TXK: variants seen among roughly 807,000 people sequenced by gnomAD.
The protein encoded by TXK is TXK tyrosine kinase, also known as tyrosine-protein kinase TXK.
A neutral mutation model predicts 81.0 loss-of-function variants in TXK; 60 were observed. The ratio of observed to expected loss-of-function variants is 0.74; its 90% confidence interval spans 0.60 to 0.92. The LOEUF (loss-of-function observed/expected upper bound fraction) is 0.92, where lower values mean the gene tolerates loss of function less well. TXK is among the 40% of genes least tolerant of loss of function. The pLI is 0.00. For synonymous variants in TXK, 203 were observed against 210.7 expected, an observed-to-expected ratio of 0.96 and a Z score of 0.32; for missense variants, 581 against 638.3, an observed-to-expected ratio of 0.91 and a Z score of 0.97.
intron 1 of TXK, among the ~76,000 whole-genome samples, chr4:48,115,495 C>T (rs1161931865): frequency 6.6e-6 from 1 of 152,044 alleles, no homozygotes; most frequent in Non-Finnish European, 1.5e-5. Flanking sequence ...CTAGGTTATG[C>T]CTAGACTTTC....
chr4:48,112,816 T>C (rs1718678688), intron 3 of TXK, among the ~76,000 whole-genome samples: 1 of 152,038 alleles, frequency 6.6e-6, no homozygotes, highest in Non-Finnish European at 1.5e-5. Context: ...TACCTTGTTT[T>C]AAGGATTTTT....
At chr4:48,082,731 A>T (rs974595065) in intron 10 of TXK, among the ~76,000 whole-genome samples, 1 of 152,178 alleles carries the variant, frequency 6.6e-6, no homozygotes, top group Non-Finnish European at 1.5e-5. Flanking sequence ...GTACCCATAC[A>T]AATCGCAAAC....
intron 12 of TXK, among the ~76,000 whole-genome samples, chr4:48,075,938 A>G (rs749867626): frequency 2.0e-5 from 3 of 152,198 alleles, no homozygotes; most frequent in Admixed American, 1.3e-4. Context: ...AATTTAAACT[A>G]TATTGAGTTG....
intron 1 of TXK, among the ~76,000 whole-genome samples, chr4:48,133,404 T>C (rs1719295926): frequency 6.6e-6 from 1 of 152,138 alleles, no homozygotes; most frequent in African/African-American, 2.4e-5. Context: ...TCTTCATATG[T>C]AGTATTATAT....
At chr4:48,106,308 A>G (rs1299336109) in intron 5 of TXK, 1 of 152,218 alleles carries the variant, frequency 6.6e-6, no homozygotes, top group Admixed American at 6.5e-5. Context: ...AAAGAGATTG[A>G]ACGAATGGAA....
chr4:48,102,328 A>G (rs1718227556), intron 6 of TXK, among the ~76,000 whole-genome samples: 1 of 152,248 alleles, frequency 6.6e-6, no homozygotes, highest in Non-Finnish European at 1.5e-5. Context: ...CACTATAGAA[A>G]AATGGACAAA....
In TXK at chr4:48,089,691, C is replaced by A. The variant is rs531232091; in HGVS notation, c.784+59G>T. On this transcript the variant is annotated intron_variant, in intron 9 of 14. Transcript: ENST00000264316. The stretch of plus-strand genomic sequence containing the variant: ...ACAGCTGTGAGCCACCGCACCCAGC[C>A]AGGTAGATTCTTTACTACTGGATTT... 7.8e-4 allele frequency: 1,098 copies of A among 1,411,970 alleles called. 1 individual carries two copies. Among genetic ancestry groups the A allele is most frequent in the Non-Finnish European group, 1.0e-3 (1,044 of 1,000,368 alleles). 87.5% of individuals were successfully genotyped at this position (1,411,970 alleles called of 1,614,324 possible). A position where few individuals can be genotyped will look rare whatever the true frequency, so the allele number is the denominator to read the frequency against.
At chr4:48,113,404 G>T in intron 2 of TXK, 95 bp from the exon 3 acceptor site, 1 of 937,078 alleles carries the variant, frequency 1.1e-6, no homozygotes, top group Non-Finnish European at 1.6e-6. Context: ...GAAAAATCCA[G>T]GTCTCTTTCC....
Position 48,073,966 on chromosome 4 carries a change from CT to C in TXK, c.1325del (p.Lys442SerfsTer14). 6.2e-7 allele frequency: 1 copy of C among 1,613,504 alleles called. No individual in the cohort carries two copies. The highest frequency in any genetic ancestry group is 8.5e-7 in the Non-Finnish European group (1 of 1,179,526). ...ACCAGACATCAGATTTACTGCTGTACTTATTGAAAAGAAAAACTTCAGGAGG... is the reference window on the plus strand; with the variant it reads ...ACCAGACATCAGATTTACTGCTGTACTATTGAAAAGAAAAACTTCAGGAGG... ...WSPPEVFLFN[K>X]YSSKSDVWSF... On this transcript the variant is annotated frameshift_variant, in exon 13 of 15. Coordinates refer to ENST00000264316, the MANE Select transcript of TXK (RefSeq NM_003328.3). LOFTEE classifies it high-confidence loss of function.
intron 1 of TXK, among the ~76,000 whole-genome samples, chr4:48,127,966 G>T (rs1719136546): frequency 3.9e-5 from 6 of 152,198 alleles, no homozygotes; most frequent in Admixed American, 3.9e-4. Context: ...GGCACTGGAA[G>T]AAAGCAAAAG....
chr4:48,098,947 CA>C (rs33950837), intron 6 of TXK, among the ~76,000 whole-genome samples: 113,410 of 151,002 alleles, frequency 0.75, 42,611 homozygotes, highest in East Asian at 0.81. Context: ...AACATACAAA[CA>C]AAAAAAAAAT....
rs571531680 is a variant in TXK, at chr4:48,098,060, T to A, written c.502-2838A>T. On this transcript the variant is annotated intron_variant, in intron 6 of 14. Transcript: ENST00000264316. ...CCACGCCCGGCCAAAAGCTCCCACA[T>A]TTAAACAGTACTATAGTCACACATT... Among the ~76,000 whole-genome samples the A allele has an allele frequency of 1.3e-3, 199 of 152,266 alleles. 1 individual carries two copies. Among genetic ancestry groups the A allele is most frequent in the Non-Finnish European group, 2.4e-3 (165 of 68,024 alleles).
chr4:48,126,505 G>A (rs923105233), intron 1 of TXK, among the ~76,000 whole-genome samples: 6 of 151,974 alleles, frequency 3.9e-5, no homozygotes, highest in African/African-American at 1.5e-4. Context: ...GTGGTTGTTT[G>A]TTTTGTTTTG....
intron 1 of TXK, among the ~76,000 whole-genome samples, chr4:48,132,976 C>T (rs1719284138): frequency 6.6e-6 from 1 of 151,898 alleles, no homozygotes; most frequent in Admixed American, 6.6e-5. Flanking sequence ...TACTTAAATC[C>T]TGCGTCTGAC....
At position 48,112,404 on chromosome 4, in the gene TXK, G is replaced by A; in HGVS notation, c.283C>T (p.Pro95Ser). The A allele has an allele frequency of 6.2e-7, 1 of 1,614,158 alleles. No individual in the cohort carries two copies. Among genetic ancestry groups the A allele is most frequent in the Non-Finnish European group, 8.5e-7 (1 of 1,180,020 alleles). Residue 95 changes from proline (P) to serine (S), a missense_variant, in exon 4 of 15, where the codon CCC becomes TCC. Coordinates refer to ENST00000264316, the MANE Select transcript of TXK (RefSeq NM_003328.3). ...AAGGCTAAATTACAGGGTTCTCTGG[G>A]CAGAAAATCATAAAGTGCCTTGACT... ...IQVKALYDFL[P>S]REPCNLALRR...
chr4:48,072,492 AT>A (rs1716903059), intron 13 of TXK, among the ~76,000 whole-genome samples: 1 of 152,236 alleles, frequency 6.6e-6, no homozygotes, highest in East Asian at 1.9e-4. Context: ...GAGCCCCAGA[AT>A]ATCTAGCAGG....
intron 5 of TXK, among the ~76,000 whole-genome samples, chr4:48,105,867 T>C (rs1718439056): frequency 6.6e-6 from 1 of 152,174 alleles, no homozygotes. Flanking sequence ...TCATGCTGTT[T>C]TTCTCTGCAT....
intron 1 of TXK, among the ~76,000 whole-genome samples, chr4:48,115,023 TTC>T (rs1161930697): frequency 2.4e-5 from 3 of 126,218 alleles, no homozygotes; most frequent in Admixed American, 2.3e-4. Context: ...GTATTGGTAT[TTC>T]TTTCTTTCTT....
At chr4:48,120,231 A>T (rs1718919132) in intron 1 of TXK, among the ~76,000 whole-genome samples, 1 of 147,702 alleles carries the variant, frequency 6.8e-6, no homozygotes, top group Admixed American at 6.9e-5. Flanking sequence ...ATATACGTAT[A>T]TATGTATATA....
Sources: gnomAD v4.1 joint callset for allele counts (sites outside exome capture counted in the v4.1 genomes callset) on GRCh38, gnomAD v4.1.1 for gene constraint, MANE v1.5 for transcripts, NCBI Gene and HGNC (gene_info 2026-07-23, HGNC 2026-07-21) for gene names.